The following SLC41A2 variants were observed in gnomAD, a reference collection of about 807,000 sequenced individuals.
The protein encoded by SLC41A2 is solute carrier family 41 member 2.
Under a neutral mutation model 58.3 loss-of-function variants are expected in SLC41A2, and 32 were observed. That is an observed-to-expected ratio of 0.55 (90% CI 0.41 to 0.74). SLC41A2 has a LOEUF of 0.74. Among genes scored for constraint, SLC41A2 ranks in the 30% least tolerant of loss-of-function variants. The pLI, the probability that SLC41A2 is intolerant of heterozygous loss-of-function variation, is 0.00. For synonymous variants in SLC41A2, 190 were observed against 235.0 expected, an observed-to-expected ratio of 0.81 and a Z score of 1.75; for missense variants, 514 against 680.6, an observed-to-expected ratio of 0.76 and a Z score of 2.72.
chr12:104,860,893 A>G lies in SLC41A2; in HGVS notation c.1255+398T>C, dbSNP rs112601323. ...CCCACCCCAGATTTTAATGAACTGA[A>G]TGGATAAGCAATGTTGAAACCCAGC... On this transcript the variant is annotated intron_variant, in intron 8 of 10. Transcript: ENST00000258538. Among the ~76,000 whole-genome samples, 886 of 152,270 alleles carry G rather than the reference A, an allele frequency of 5.8e-3. 10 individuals carry two copies. Among genetic ancestry groups the G allele is most frequent in the African/African-American group, 0.02 (821 of 41,558 alleles).
intron 4 of SLC41A2, among the ~76,000 whole-genome samples, chr12:104,894,326 C>G (rs2045176269): frequency 6.6e-6 from 1 of 150,964 alleles, no homozygotes; most frequent in Admixed American, 6.6e-5. Context: ...GCACTCCACC[C>G]TGGGCAACAG....
intron 1 of SLC41A2, among the ~76,000 whole-genome samples, chr12:104,935,011 G>A (rs1396505736): frequency 6.6e-6 from 1 of 152,162 alleles, no homozygotes; most frequent in Non-Finnish European, 1.5e-5. Context: ...AAGCTGCAGT[G>A]CAATGGTACG....
At chr12:104,826,111 T>C (rs1460998761) in intron 10 of SLC41A2, among the ~76,000 whole-genome samples, 2 of 152,190 alleles carry the variant, frequency 1.3e-5, no homozygotes, top group Admixed American at 6.5e-5. Context: ...CTCTATTCCC[T>C]GTCTTTCAGA....
chr12:104,884,030 AG>A (rs1466687651), intron 6 of SLC41A2, among the ~76,000 whole-genome samples: 1 of 152,162 alleles, frequency 6.6e-6, no homozygotes, highest in African/African-American at 2.4e-5. Context: ...TTGTTTACCT[AG>A]TCAAGCCTCA....
chr12:104,944,870 T>TAAA (rs60609201), intron 1 of SLC41A2, among the ~76,000 whole-genome samples: 5,286 of 136,036 alleles, frequency 0.039, 130 homozygotes, highest in East Asian at 0.1. Flanking sequence ...GTATTCAATG[T>TAAA]AAAAAAAAAA....
At chr12:104,881,059 C>T (rs551760128) in intron 6 of SLC41A2, among the ~76,000 whole-genome samples, 1 of 152,134 alleles carries the variant, frequency 6.6e-6, no homozygotes, top group South Asian at 2.1e-4. Context: ...TGTATGTGTC[C>T]AGGAATTTAT....
chr12:104,806,876 T>G (rs1261924233), intron 10 of SLC41A2, among the ~76,000 whole-genome samples: 1 of 152,202 alleles, frequency 6.6e-6, no homozygotes, highest in African/African-American at 2.4e-5. Flanking sequence ...TTGAGAAGTG[T>G]CTGTTCATAT....
At chr12:104,859,438 T>A (rs1042235500) in intron 8 of SLC41A2, among the ~76,000 whole-genome samples, 3 of 152,170 alleles carry the variant, frequency 2.0e-5, no homozygotes, top group Non-Finnish European at 4.4e-5. Flanking sequence ...TAAGACATGC[T>A]TGTTATATAA....
intron 10 of SLC41A2, among the ~76,000 whole-genome samples, chr12:104,828,446 TCTAA>T (rs1375553884): frequency 6.6e-6 from 1 of 151,924 alleles, no homozygotes; most frequent in East Asian, 1.9e-4. Flanking sequence ...AAGGCAGGAG[TCTAA>T]CTGAGCTAAC....
chr12:104,809,771 T>C (rs964543881), intron 10 of SLC41A2, among the ~76,000 whole-genome samples: 6 of 152,084 alleles, frequency 3.9e-5, no homozygotes, highest in African/African-American at 1.4e-4. Flanking sequence ...GAGCCTTGGT[T>C]TGGGGGATGA....
intron 4 of SLC41A2, among the ~76,000 whole-genome samples, chr12:104,892,301 A>C (rs369313347): frequency 7.1e-6 from 1 of 140,612 alleles, no homozygotes; most frequent in Admixed American, 6.9e-5. Flanking sequence ...ATCTCAAAAA[A>C]AAAATAAAAT....
chr12:104,855,225 AAAT>A (rs1277190504), intron 8 of SLC41A2, among the ~76,000 whole-genome samples: 2 of 152,340 alleles, frequency 1.3e-5, no homozygotes, highest in East Asian at 3.9e-4. Context: ...ATAAATGCAA[AAAT>A]AATATTTATA....
In SLC41A2 at chr12:104,886,833, A is replaced by G. The variant is rs1305518173; in HGVS notation, c.881-394T>C. The stretch of plus-strand genomic sequence containing the variant: ...AAAAAGGTGAGTCATATGTATATGT[A>G]CAACAACTGGGAAGAAGGCCAACAA... On this transcript the variant is annotated intron_variant, in intron 5 of 10. Transcript: ENST00000258538. 2.0e-5 allele frequency among the ~76,000 whole-genome samples: 3 copies of G among 152,052 alleles called. No individual in the cohort carries two copies. The East Asian group carries it at 5.8e-4, about 29-fold the overall frequency.
intron 10 of SLC41A2, among the ~76,000 whole-genome samples, chr12:104,816,325 C>T (rs186229715): frequency 2.0e-5 from 3 of 152,234 alleles, no homozygotes; most frequent in East Asian, 1.9e-4. Flanking sequence ...CAACAGAAAA[C>T]GATGTAAAAT....
intron 7 of SLC41A2, among the ~76,000 whole-genome samples, chr12:104,864,920 T>C (rs1193261501): frequency 3.9e-5 from 6 of 152,284 alleles, no homozygotes; most frequent in Non-Finnish European, 7.4e-5. Context: ...TATTTTTTTT[T>C]CCCATCTGTC....
At chr12:104,828,477 T>G (rs79553176) in intron 10 of SLC41A2, among the ~76,000 whole-genome samples, 3,893 of 152,254 alleles carry the variant, frequency 0.026, 168 homozygotes, top group African/African-American at 0.089. Context: ...CATCTACGGA[T>G]AGCTAAACTA....
chr12:104,949,105 C>A (rs2135975351), intron 1 of SLC41A2, among the ~76,000 whole-genome samples: 1 of 152,262 alleles, frequency 6.6e-6, no homozygotes, highest in Non-Finnish European at 1.5e-5. Context: ...GTAATCCCAG[C>A]TACTTGGGAG....
rs941468741 is a variant in SLC41A2, at chr12:104,896,294, C to T, written c.664-949G>A. 3.9e-5 allele frequency among the ~76,000 whole-genome samples: 6 copies of T among 152,208 alleles called. No homozygotes were observed. In the East Asian group the frequency reaches 1.2e-3, roughly 29 times the overall value. ...GAAAACAGATTCTATTCTGTAATCT[C>T]ACTGTGGACTTTAGTCTCAAAGCAT... On this transcript the variant is annotated intron_variant, in intron 3 of 10. Transcript: ENST00000258538.
At chr12:104,882,823 CT>C (rs2044450649) in intron 6 of SLC41A2, among the ~76,000 whole-genome samples, 1 of 152,158 alleles carries the variant, frequency 6.6e-6, no homozygotes, top group South Asian at 2.1e-4. Context: ...CAAGGAGTAT[CT>C]TTGTGACGTT....
Sources: allele counts gnomAD v4.1 joint callset (sites outside exome capture counted in the v4.1 genomes callset), GRCh38; gene constraint gnomAD v4.1.1; transcripts MANE v1.5; gene names NCBI Gene and HGNC (gene_info 2026-07-23, HGNC 2026-07-21).